Variants in MARCHF1 observed in about 807,000 individuals in gnomAD.
MARCHF1 encodes the protein membrane associated ring-CH-type finger 1.
Under a neutral mutation model 54.2 loss-of-function variants are expected in MARCHF1, and 40 were observed. The ratio of observed to expected loss-of-function variants is 0.74; its 90% CI spans 0.57 to 0.96. The LOEUF is 0.96. MARCHF1 is among the 40% of genes least tolerant of loss of function. The pLI, the probability that MARCHF1 is intolerant of heterozygous loss-of-function variation, is 0.00. For missense variants in MARCHF1, 586 were observed against 656.5 expected (o/e 0.89, Z 1.17); for synonymous variants, 236 against 236.3 (o/e 1.00, Z 0.01).
At position 163,795,580 on chromosome 4, in the gene MARCHF1, G is replaced by A. The variant is rs536167402; in HGVS notation, c.111+58441C>T. On this transcript the variant is annotated intron_variant, in intron 4 of 9. Coordinates refer to ENST00000514618, the MANE Select transcript of MARCHF1 (RefSeq NM_001394959.1). ...TTTACTTGTATGGAAATGCAATTTTGTTACAGTGTTCATACTTTTGTAACT... is the reference window on the plus strand; with the variant it reads ...TTTACTTGTATGGAAATGCAATTTTATTACAGTGTTCATACTTTTGTAACT... 4.6e-5 allele frequency among the ~76,000 whole-genome samples: 7 copies of A among 152,306 alleles called. No individual in the cohort carries two copies. The East Asian group carries it at 9.6e-4, about 21-fold the overall frequency.
intron 2 of MARCHF1, among the ~76,000 whole-genome samples, chr4:164,075,747 G>A (rs139542216): frequency 8.5e-5 from 13 of 152,232 alleles, no homozygotes; most frequent in Non-Finnish European, 1.6e-4. Context: ...TTTTGTTTTA[G>A]TATGCCCAAG....
At chr4:163,957,496 GT>G (rs984488973) in intron 3 of MARCHF1, among the ~76,000 whole-genome samples, 1 of 151,858 alleles carries the variant, frequency 6.6e-6, no homozygotes, top group African/African-American at 2.4e-5. Flanking sequence ...TTTTTAAAAA[GT>G]TTTTTAAAAA....
chr4:163,936,268 A>G (rs1025384987), intron 3 of MARCHF1, among the ~76,000 whole-genome samples: 7 of 152,212 alleles, frequency 4.6e-5, no homozygotes, highest in African/African-American at 1.7e-4. Context: ...TGTGAGGATT[A>G]CCAAAATGTA....
At chr4:164,171,352 T>A (rs1268972027) in intron 1 of MARCHF1, among the ~76,000 whole-genome samples, 2 of 152,116 alleles carry the variant, frequency 1.3e-5, no homozygotes. Context: ...AATGACTATA[T>A]AATTAAGCAA....
intron 4 of MARCHF1, among the ~76,000 whole-genome samples, chr4:163,767,233 CTTCTT>C (rs561241396): frequency 8.2e-4 from 124 of 150,978 alleles, no homozygotes; most frequent in African/African-American, 2.9e-3. Context: ...GACAGAAAAA[CTTCTT>C]TTCTTTTTTT....
chr4:163,813,533 A>G (rs1458665005), intron 4 of MARCHF1, among the ~76,000 whole-genome samples: 1 of 152,194 alleles, frequency 6.6e-6, no homozygotes, highest in Non-Finnish European at 1.5e-5. Context: ...CCTGTCATCA[A>G]TTGTATTTAA....
chr4:163,830,872 G>T (rs188721422), intron 4 of MARCHF1, among the ~76,000 whole-genome samples: 47 of 152,320 alleles, frequency 3.1e-4, no homozygotes, highest in African/African-American at 1.1e-3. Context: ...TTCTCTTGCT[G>T]TGTGGCAGCT....
chr4:163,916,123 T>C (rs1257793039), intron 3 of MARCHF1, among the ~76,000 whole-genome samples: 1 of 152,144 alleles, frequency 6.6e-6, no homozygotes, highest in Non-Finnish European at 1.5e-5. Flanking sequence ...TGAATGCCAG[T>C]GATGAGGCAG....
chr4:163,546,679 C>G (rs368572775), intron 8 of MARCHF1, among the ~76,000 whole-genome samples: 2 of 152,280 alleles, frequency 1.3e-5, no homozygotes, highest in Admixed American at 6.5e-5. Context: ...TTAGAGCAAC[C>G]TTTAGTTGCT....
chr4:163,726,662 GTTC>G (rs1238002413), intron 4 of MARCHF1, among the ~76,000 whole-genome samples: 68 of 152,274 alleles, frequency 4.5e-4, no homozygotes, highest in African/African-American at 1.6e-3. Flanking sequence ...AGTATGTTTA[GTTC>G]AGTAAGAAAC....
intron 4 of MARCHF1, among the ~76,000 whole-genome samples, chr4:163,823,424 C>A (rs901527329): frequency 6.6e-6 from 1 of 151,778 alleles, no homozygotes; most frequent in Admixed American, 6.6e-5. Flanking sequence ...GTGATCAAAT[C>A]TAATCAACTC....
intron 2 of MARCHF1, among the ~76,000 whole-genome samples, chr4:164,066,901 G>A (rs1055484488): frequency 1.1e-4 from 17 of 151,990 alleles, no homozygotes; most frequent in Admixed American, 9.2e-4. Context: ...AGAGGATCAG[G>A]AAAAACAACT....
At chr4:164,153,300 C>G (rs116806877) in intron 1 of MARCHF1, among the ~76,000 whole-genome samples, 2 of 151,994 alleles carry the variant, frequency 1.3e-5, no homozygotes, top group Non-Finnish European at 2.9e-5. Flanking sequence ...CTCTTTTTAT[C>G]GACTTAAAAA....
chr4:163,839,046 C>T (rs916876165), intron 4 of MARCHF1, among the ~76,000 whole-genome samples: 1 of 151,904 alleles, frequency 6.6e-6, no homozygotes, highest in Non-Finnish European at 1.5e-5. Context: ...ATAACTCTGA[C>T]AACATAATAA....
At chr4:163,982,664 A>G (rs1381547447) in intron 3 of MARCHF1, among the ~76,000 whole-genome samples, 3 of 152,202 alleles carry the variant, frequency 2.0e-5, no homozygotes, top group African/African-American at 7.2e-5. Flanking sequence ...CTGATCCACT[A>G]GCCCAAACAA....
chr4:164,033,926 A>G (rs1753936168), intron 2 of MARCHF1, among the ~76,000 whole-genome samples: 1 of 152,192 alleles, frequency 6.6e-6, no homozygotes, highest in South Asian at 2.1e-4. Context: ...ATTACTGGGT[A>G]TATACCCAAA....
At chr4:163,979,074 G>T (rs1752706696) in intron 3 of MARCHF1, among the ~76,000 whole-genome samples, 2 of 138,508 alleles carry the variant, frequency 1.4e-5, no homozygotes, top group Admixed American at 1.5e-4. Flanking sequence ...ACATTGTGCA[G>T]CTTAGTTACA....
chr4:163,541,271 G>A (rs1392918159), intron 9 of MARCHF1, among the ~76,000 whole-genome samples: 1 of 152,202 alleles, frequency 6.6e-6, no homozygotes, highest in Non-Finnish European at 1.5e-5. Flanking sequence ...AAGTCAATTT[G>A]TTATGCTAGT....
intron 3 of MARCHF1, among the ~76,000 whole-genome samples, chr4:163,933,759 C>T (rs1751732398): frequency 6.6e-6 from 1 of 152,144 alleles, no homozygotes; most frequent in Admixed American, 6.5e-5. Flanking sequence ...ATGGAAAAGC[C>T]CTTGCCATTT....
Sources: allele counts gnomAD v4.1 joint callset (sites outside exome capture counted in the v4.1 genomes callset), GRCh38; gene constraint gnomAD v4.1.1; transcripts MANE v1.5; gene names NCBI Gene and HGNC (gene_info 2026-07-23, HGNC 2026-07-21).